NBAS: variants seen among roughly 807,000 people sequenced by gnomAD.
NBAS encodes the protein NAG/BC035112 fusion.
Under a neutral mutation model 302.5 loss-of-function variants are expected in NBAS, and 219 were observed. That is an observed-to-expected ratio of 0.72 (90% confidence interval 0.65 to 0.81). The LOEUF (loss-of-function observed/expected upper bound fraction) is 0.81. Among genes scored for constraint, NBAS ranks in the 30% least tolerant of loss-of-function variants. NBAS has a pLI of 0.00. For missense variants in NBAS, 2,932 were observed against 2,841.6 expected, an observed-to-expected ratio of 1.03 and a Z score of -0.72; for synonymous variants, 1,118 against 1,021.6, an observed-to-expected ratio of 1.09 and a Z score of -1.80.
chr2:15,546,815 T>C (rs770922761), intron 6 of NBAS, among the ~76,000 whole-genome samples: 6 of 152,164 alleles, frequency 3.9e-5, no homozygotes, highest in African/African-American at 9.7e-5. Flanking sequence ...GAAAATCATA[T>C]TTGTATGGCA....
intron 35 of NBAS, among the ~76,000 whole-genome samples, chr2:15,347,784 C>CA (rs1187093073): frequency 6.6e-6 from 1 of 152,132 alleles, no homozygotes; most frequent in Non-Finnish European, 1.5e-5. Flanking sequence ...TAATGACCAA[C>CA]ATTAATAAGA....
At chr2:14,971,888 G>A in the NBAS span, among the ~76,000 whole-genome samples, 1 of 152,144 alleles carries the variant, frequency 6.6e-6, no homozygotes, top group East Asian at 1.9e-4. Flanking sequence ...CAGATACAAT[G>A]TCACTGCAAC....
chr2:15,136,268 CT>C, the NBAS span, among the ~76,000 whole-genome samples: 3 of 152,200 alleles, frequency 2.0e-5, no homozygotes, highest in African/African-American at 4.8e-5. Context: ...GGGTGACTCC[CT>C]TGCCACCCAC....
Position 15,198,540 on chromosome 2 carries a change from T to G in NBAS, c.6433-8137A>C, listed in dbSNP as rs77517615. On this transcript the variant is annotated intron_variant, in intron 48 of 51. Transcript: ENST00000281513. ...AGTAGTAGTTTGTGGCTCATGAAGG[T>G]GAACTGTGGTTGAAGCGGTAAATAA... Among the ~76,000 whole-genome samples, 690 of 152,174 alleles carry G rather than the reference T, an allele frequency of 4.5e-3. 12 individuals carry two copies. Among genetic ancestry groups the G allele is most frequent in the East Asian group, 0.042 (216 of 5,164 alleles).
the NBAS span, among the ~76,000 whole-genome samples, chr2:15,091,074 T>G: frequency 6.6e-6 from 1 of 152,224 alleles, no homozygotes; most frequent in African/African-American, 2.4e-5. Flanking sequence ...CATCTCTGGT[T>G]GAAAAATTCT....
chr2:15,024,698 T>C, the NBAS span, among the ~76,000 whole-genome samples: 38 of 152,228 alleles, frequency 2.5e-4, no homozygotes, highest in African/African-American at 8.7e-4. Flanking sequence ...TGTGTTTGAT[T>C]TGCATTTCTC....
chr2:15,402,251 T>C lies in NBAS; in HGVS notation c.2988A>G (p.Leu996=), dbSNP rs779131147. The C allele has an allele frequency of 2.5e-6, 4 of 1,613,590 alleles. No homozygotes were observed. The highest frequency in any genetic ancestry group is 3.3e-5 in the Admixed American group (2 of 60,010). ...TTCGTTCACAGGTATAGATGCACTC[T>C]AGTGCTATTGCCATCAGTTGGTCCT... ...PDQDQLMAIA[L]ECIYTCERND... The change falls in exon 26 of 52, where the codon CTA becomes CTG. Residue 996 remains leucine, a synonymous_variant. Coordinates refer to ENST00000281513, the MANE Select transcript of NBAS (RefSeq NM_015909.4).
chr2:15,511,281 A>C lies in NBAS; in HGVS notation c.816T>G (p.Ser272=). The change falls in exon 10 of 52, where the codon TCT becomes TCG. Residue 272 remains serine, a synonymous_variant. Transcript: ENST00000281513. ...GTGATCCTGAAAGAACTCTCCAGGCAGAAAGGCCACAGCTAGAAGCTTTTG... is the reference window on the plus strand; with the variant it reads ...GTGATCCTGAAAGAACTCTCCAGGCCGAAAGGCCACAGCTAGAAGCTTTTG... ...GMSKASSCGL[S]AWRVLSGSPY... is the part of the protein sequence containing the mutation. 2 of 1,614,118 alleles carry C rather than the reference A, an allele frequency of 1.2e-6. No individual in the cohort carries two copies. The highest frequency in any genetic ancestry group is 2.2e-5 in the South Asian group (2 of 91,080).
chr2:15,467,648 G>A lies in NBAS; in HGVS notation c.2018+16C>T, dbSNP rs1365744585. The A allele has an allele frequency of 6.2e-7, 1 of 1,607,260 alleles. No individual in the cohort carries two copies. Among genetic ancestry groups the A allele is most frequent in the Admixed American group, 1.7e-5 (1 of 59,864 alleles). On this transcript the variant is annotated intron_variant, in intron 18 of 51. Coordinates refer to ENST00000281513, the MANE Select transcript of NBAS (RefSeq NM_015909.4). ...TTTTAAAGAAACTATCAAATGAACAGTAACAACTCATTTACTTGGAAAAGT... is the reference window on the plus strand; with the variant it reads ...TTTTAAAGAAACTATCAAATGAACAATAACAACTCATTTACTTGGAAAAGT...
In NBAS at chr2:15,328,222, T is replaced by TG. The variant is rs745803896; in HGVS notation, c.4437dup (p.Ile1480HisfsTer8). The TG allele has an allele frequency of 1.2e-6, 2 of 1,613,886 alleles. No homozygotes were observed. The highest frequency in any genetic ancestry group is 3.3e-5 in the Admixed American group (2 of 60,008). On this transcript the variant is annotated frameshift_variant, in exon 37 of 52. Coordinates refer to ENST00000281513, the MANE Select transcript of NBAS (RefSeq NM_015909.4). LOFTEE classifies it high-confidence loss of function. ...ACCTCAGCGACAAAAGGATTTGAGA[T>TG]GACAGATTCATAAAAAGGATGACAC... is the stretch of plus-strand genomic sequence containing the variant.
intron 21 of NBAS, among the ~76,000 whole-genome samples, chr2:15,448,973 G>T (rs76940218): frequency 0.013 from 1,940 of 152,212 alleles, 31 homozygotes; most frequent in East Asian, 0.06. Context: ...TATGTAAGAA[G>T]CACACATTCT....
intron 33 of NBAS, 57 bp downstream of exon 33, chr2:15,356,246 C>A: frequency 7.2e-7 from 1 of 1,397,494 alleles, no homozygotes; most frequent in South Asian, 1.2e-5. Context: ...AGACCTTTTC[C>A]ATTATCCATC....
At chr2:15,171,404 T>C (rs1041566289) in intron 51 of NBAS, among the ~76,000 whole-genome samples, 1 of 152,262 alleles carries the variant, frequency 6.6e-6, no homozygotes, top group Non-Finnish European at 1.5e-5. Flanking sequence ...ATTTGTATTC[T>C]ATTTTTCTCA....
chr2:15,354,303 C>T (rs1468742148), intron 33 of NBAS, among the ~76,000 whole-genome samples: 1 of 152,338 alleles, frequency 6.6e-6, no homozygotes, highest in Non-Finnish European at 1.5e-5. Flanking sequence ...CCCCAACTCC[C>T]AGCAGGGATC....
chr2:15,290,759 C>A (rs1432516337), intron 41 of NBAS, among the ~76,000 whole-genome samples: 1 of 152,142 alleles, frequency 6.6e-6, no homozygotes, highest in African/African-American at 2.4e-5. Context: ...AAATTATGAA[C>A]CTCCAGAAGG....
chr2:14,791,697 G>A, the NBAS span, among the ~76,000 whole-genome samples: 948 of 151,998 alleles, frequency 6.2e-3, 9 homozygotes, highest in African/African-American at 0.022. Flanking sequence ...CCAGCTACTC[G>A]GGAAGCTGAG....
At chr2:14,943,895 C>T in the NBAS span, among the ~76,000 whole-genome samples, 3 of 152,172 alleles carry the variant, frequency 2.0e-5, no homozygotes, top group Non-Finnish European at 4.4e-5. Context: ...AAGGAGTAGG[C>T]ACCATCTCAC....
chr2:15,029,542 A>C, the NBAS span, among the ~76,000 whole-genome samples: 2 of 152,222 alleles, frequency 1.3e-5, no homozygotes, highest in African/African-American at 4.8e-5. Flanking sequence ...AGATAAAGGA[A>C]TCGGAAGAAA....
chr2:15,144,045 A>AT, the NBAS span, among the ~76,000 whole-genome samples: 44,135 of 107,100 alleles, frequency 0.41, 10,941 homozygotes, highest in African/African-American at 0.65. Context: ...TCCTATATAT[A>AT]AAAATATATA....
Sources: gnomAD v4.1 joint callset for allele counts (sites outside exome capture counted in the v4.1 genomes callset) on GRCh38, gnomAD v4.1.1 for gene constraint, MANE v1.5 for transcripts, NCBI Gene and HGNC (gene_info 2026-07-23, HGNC 2026-07-21) for gene names.